Variants in GRID1 observed in about 807,000 individuals in gnomAD.
GRID1 encodes the protein glutamate ionotropic receptor delta type subunit 1, also known as glutamate receptor ionotropic, delta-1.
GRID1 carries 28 observed loss-of-function variants against 98.0 expected under a neutral mutation model. That is an observed-to-expected ratio of 0.29 (90% CI 0.21 to 0.39). The LOEUF (loss-of-function observed/expected upper bound fraction) is 0.39. Among genes scored for constraint, GRID1 ranks in the 10% least tolerant of loss-of-function variants. GRID1 has a pLI of 1.00. For missense variants in GRID1, 1,111 were observed against 1,340.5 expected (o/e 0.83, Z 2.67); for synonymous variants, 553 against 538.5 (o/e 1.03, Z -0.37).
intron 4 of GRID1, among the ~76,000 whole-genome samples, chr10:86,042,343 C>A (rs2131899750): frequency 6.6e-6 from 1 of 152,346 alleles, no homozygotes; most frequent in Admixed American, 6.5e-5. Flanking sequence ...CAAGAGGATG[C>A]TGAAGACTGG....
At chr10:86,267,512 C>G (rs1564724076) in intron 2 of GRID1, among the ~76,000 whole-genome samples, 1 of 152,234 alleles carries the variant, frequency 6.6e-6, no homozygotes, top group Non-Finnish European at 1.5e-5. Flanking sequence ...GAAGCTGATT[C>G]ATCCCCCCAG....
intron 13 of GRID1, among the ~76,000 whole-genome samples, chr10:85,631,454 C>A (rs1463601840): frequency 1.3e-5 from 2 of 152,154 alleles, no homozygotes; most frequent in Non-Finnish European, 2.9e-5. Context: ...GGGCCTCCAG[C>A]ACTTTGGGGA....
At chr10:85,725,180 T>C (rs1393007033) in intron 10 of GRID1, among the ~76,000 whole-genome samples, 1 of 152,226 alleles carries the variant, frequency 6.6e-6, no homozygotes, top group Non-Finnish European at 1.5e-5. Flanking sequence ...TCAGAAGTTA[T>C]ATGGTGAGTT....
chr10:86,166,085 TC>T (rs1427906479), intron 3 of GRID1, among the ~76,000 whole-genome samples: 18 of 152,236 alleles, frequency 1.2e-4, no homozygotes, highest in African/African-American at 4.1e-4. Context: ...TCTGTTGTTC[TC>T]AGCGGTTCTT....
At chr10:85,990,145 C>T (rs897346200) in intron 4 of GRID1, among the ~76,000 whole-genome samples, 5 of 152,176 alleles carry the variant, frequency 3.3e-5, no homozygotes, top group Non-Finnish European at 2.9e-5. Flanking sequence ...AAACAAGACA[C>T]CTTTGCAAAT....
intron 3 of GRID1, among the ~76,000 whole-genome samples, chr10:86,185,910 T>A (rs1845719904): frequency 6.6e-6 from 1 of 152,196 alleles, no homozygotes; most frequent in African/African-American, 2.4e-5. Context: ...TTGGTCAGTT[T>A]TAGTACCAGG....
chr10:85,847,568 T>C (rs1434094717), intron 8 of GRID1, among the ~76,000 whole-genome samples: 4 of 152,212 alleles, frequency 2.6e-5, no homozygotes, highest in Non-Finnish European at 5.9e-5. Context: ...ATATAGCTTA[T>C]AATAAAATGT....
chr10:85,652,539 C>A (rs1262713368), intron 12 of GRID1, among the ~76,000 whole-genome samples: 1 of 152,128 alleles, frequency 6.6e-6, no homozygotes, highest in Non-Finnish European at 1.5e-5. Context: ...GGATATCCAT[C>A]CTGGTGACTT....
chr10:86,113,180 C>A (rs1244136012), intron 4 of GRID1, among the ~76,000 whole-genome samples: 2 of 152,186 alleles, frequency 1.3e-5, no homozygotes, highest in Non-Finnish European at 2.9e-5. Flanking sequence ...GGAAATGGGT[C>A]ATGTCATTGC....
At chr10:85,860,261 G>A (rs984137890) in intron 6 of GRID1, among the ~76,000 whole-genome samples, 1 of 152,218 alleles carries the variant, frequency 6.6e-6, no homozygotes, top group East Asian at 1.9e-4. Context: ...TCATCCCCAT[G>A]CAAGCAGGAG....
intron 4 of GRID1, among the ~76,000 whole-genome samples, chr10:86,056,321 T>C (rs539829247): frequency 3.9e-4 from 60 of 152,312 alleles, no homozygotes; most frequent in Admixed American, 2.5e-3. Context: ...TCAGACTGTA[T>C]AGAAAGGCAA....
At chr10:86,309,338 A>G (rs1281971038) in intron 2 of GRID1, among the ~76,000 whole-genome samples, 8 of 152,172 alleles carry the variant, frequency 5.3e-5, no homozygotes, top group Non-Finnish European at 5.9e-5. Context: ...AATTAACAAA[A>G]CCATAGTAGA....
chr10:85,869,292 A>G, intron 5 of GRID1, 112 bp from the exon 6 acceptor site: 1 of 883,386 alleles, frequency 1.1e-6, no homozygotes, highest in Non-Finnish European at 1.9e-6. Context: ...CAAAGAGGGC[A>G]AGGGATTGGG....
intron 3 of GRID1, among the ~76,000 whole-genome samples, chr10:86,142,979 A>G (rs1845031181): frequency 6.6e-6 from 1 of 152,236 alleles, no homozygotes; most frequent in Admixed American, 6.5e-5. Context: ...AAGCCCTCAG[A>G]GCTCCTCTGC....
chr10:85,639,377 G>A (rs1261280374), intron 13 of GRID1, among the ~76,000 whole-genome samples: 1 of 152,196 alleles, frequency 6.6e-6, no homozygotes, highest in Non-Finnish European at 1.5e-5. Context: ...TAAATTTAAT[G>A]TGTGGTGCTA....
intron 2 of GRID1, among the ~76,000 whole-genome samples, chr10:86,294,426 G>A (rs916989757): frequency 6.6e-6 from 1 of 152,230 alleles, no homozygotes. Context: ...GGACAGGGCG[G>A]AGGCAGGGAG....
chr10:85,782,034 G>A (rs771663136), intron 8 of GRID1, among the ~76,000 whole-genome samples: 1 of 152,072 alleles, frequency 6.6e-6, no homozygotes, highest in Non-Finnish European at 1.5e-5. Context: ...TCTTCCTAAA[G>A]GCAAAAAATT....
intron 3 of GRID1, among the ~76,000 whole-genome samples, chr10:86,165,145 G>C (rs1004555129): frequency 3.3e-5 from 5 of 151,820 alleles, no homozygotes; most frequent in African/African-American, 1.2e-4. Context: ...ATGACCAATA[G>C]AGGAAAAAAA....
At chr10:86,039,441 A>G (rs1275432469) in intron 4 of GRID1, among the ~76,000 whole-genome samples, 1 of 152,094 alleles carries the variant, frequency 6.6e-6, no homozygotes, top group Non-Finnish European at 1.5e-5. Flanking sequence ...CCCTTTCCCC[A>G]TGTTTTATCT....
Sources: gnomAD v4.1 joint callset for allele counts (sites outside exome capture counted in the v4.1 genomes callset) on GRCh38, gnomAD v4.1.1 for gene constraint, MANE v1.5 for transcripts, NCBI Gene and HGNC (gene_info 2026-07-23, HGNC 2026-07-21) for gene names.